The following DENND1B variants were observed in gnomAD, a reference collection of about 807,000 sequenced individuals.
The protein encoded by DENND1B is DENN domain containing 1B.
In DENND1B, 59 loss-of-function variants were observed where a neutral mutation model predicts 90.1. That is an observed-to-expected ratio of 0.65 (90% CI 0.53 to 0.81). The LOEUF is 0.81. DENND1B is among the 40% of genes least tolerant of loss of function. DENND1B has a pLI of 0.00. For synonymous variants in DENND1B, 337 were observed against 324.6 expected (o/e 1.04, Z -0.41); for missense variants, 862 against 912.6 (o/e 0.94, Z 0.71).
intron 3 of DENND1B, among the ~76,000 whole-genome samples, chr1:197,685,261 G>A (rs1317291200): frequency 4.6e-5 from 7 of 152,106 alleles, no homozygotes. Flanking sequence ...GAAATATATG[G>A]TTGACAGACT....
At chr1:197,665,169 C>G (rs1382264788) in intron 5 of DENND1B, among the ~76,000 whole-genome samples, 1 of 151,966 alleles carries the variant, frequency 6.6e-6, no homozygotes, top group Non-Finnish European at 1.5e-5. Flanking sequence ...GGCCTAAATT[C>G]TAATTTTTTT....
intron 1 of DENND1B, 127 bp from the exon 2 acceptor site, chr1:197,773,059 G>T: frequency 2.6e-6 from 2 of 773,546 alleles, no homozygotes; most frequent in Non-Finnish European, 4.4e-6. Context: ...TATTACTACA[G>T]TATAGTAGAA....
intron 2 of DENND1B, chr1:197,734,376 A>G (rs1406041119): frequency 1.0e-6 from 1 of 983,366 alleles, no homozygotes; most frequent in Non-Finnish European, 1.2e-6. Context: ...GAGTTCATGA[A>G]TATTTACAAG....
intron 2 of DENND1B, among the ~76,000 whole-genome samples, chr1:197,729,316 A>G (rs1018408056): frequency 1.3e-5 from 2 of 152,156 alleles, no homozygotes; most frequent in African/African-American, 4.8e-5. Flanking sequence ...TTCAATGGAT[A>G]TATATAATGC....
intron 13 of DENND1B, among the ~76,000 whole-genome samples, chr1:197,597,399 G>GT (rs544270240): frequency 2.0e-5 from 3 of 150,968 alleles, no homozygotes; most frequent in African/African-American, 4.9e-5. Flanking sequence ...TATATAAATA[G>GT]TTTTTTTAAA....
chr1:197,506,100 A>G lies in DENND1B; in HGVS notation c.*4360T>C, dbSNP rs140684646. The G allele has an allele frequency of 2.0e-5, 3 of 151,708 alleles. No individual in the cohort carries two copies. The highest frequency in any genetic ancestry group is 7.2e-5 in the African/African-American group (3 of 41,400). 9.4% of individuals were successfully genotyped at this position (151,708 alleles called of 1,614,324 possible). On this transcript the variant is annotated 3_prime_UTR_variant, in exon 23 of 23. Coordinates refer to ENST00000620048, the MANE Select transcript of DENND1B (RefSeq NM_001195215.2). Reference sequence around the variant, plus strand: ...AATCAATGAGAACATTGCTACATACAGATTTACTCAAATACTGAAAAACAT... The same window carrying G: ...AATCAATGAGAACATTGCTACATACGGATTTACTCAAATACTGAAAAACAT...
intron 20 of DENND1B, among the ~76,000 whole-genome samples, chr1:197,517,565 C>T (rs57259798): frequency 0.022 from 3,354 of 151,976 alleles, 126 homozygotes; most frequent in African/African-American, 0.076. Flanking sequence ...GTAGTAACTG[C>T]CTACCCCATA....
intron 2 of DENND1B, among the ~76,000 whole-genome samples, chr1:197,770,844 A>ATATAAATATATG (rs1558504186): frequency 1.0e-5 from 1 of 95,340 alleles, no homozygotes; most frequent in African/African-American, 3.4e-5. Flanking sequence ...ATAAATATAT[A>ATATAAATATATG]TAAATATATA....
chr1:197,719,508 C>T (rs1160879011), intron 2 of DENND1B, among the ~76,000 whole-genome samples: 1 of 152,054 alleles, frequency 6.6e-6, no homozygotes, highest in African/African-American at 2.4e-5. Context: ...AAAAAAACTG[C>T]TAATATTTTT....
At chr1:197,668,480 T>C (rs939818807) in intron 5 of DENND1B, among the ~76,000 whole-genome samples, 7 of 151,878 alleles carry the variant, frequency 4.6e-5, no homozygotes, top group African/African-American at 1.7e-4. Flanking sequence ...GTCAACACTT[T>C]TAAATTTATT....
Position 197,509,649 on chromosome 1 carries a change from G to C in DENND1B, c.*811C>G, listed in dbSNP as rs1667892102. ...AGATTTTTTTTTTTTTTTTTGTCAG[G>C]ACGGTTTATGTTGTATTTGGCTTTC... On this transcript the variant is annotated 3_prime_UTR_variant, in exon 23 of 23. Transcript: ENST00000620048. 6.9e-6 allele frequency: 1 copy of C among 145,710 alleles called. No homozygotes were observed. Among genetic ancestry groups the C allele is most frequent in the African/African-American group, 2.5e-5 (1 of 39,426 alleles). The allele number at this position is 145,710 out of a possible 1,614,324, so 9.0% of individuals were successfully genotyped here. A position where few individuals can be genotyped will look rare whatever the true frequency, so the allele number is the denominator to read the frequency against.
At chr1:197,772,809 G>C in intron 2 of DENND1B, 59 bp downstream of exon 2, 1 of 1,418,130 alleles carries the variant, frequency 7.1e-7, no homozygotes, top group Non-Finnish European at 9.6e-7. Context: ...GGAACAGAAT[G>C]AGATCTTGTC....
chr1:197,582,142 G>A (rs116023099), intron 15 of DENND1B, among the ~76,000 whole-genome samples: 1 of 152,166 alleles, frequency 6.6e-6, no homozygotes, highest in African/African-American at 2.4e-5. Context: ...TTTCCTTAAT[G>A]TAAAACTTCA....
At chr1:197,626,894 A>G (rs1678798536) in intron 10 of DENND1B, among the ~76,000 whole-genome samples, 1 of 152,170 alleles carries the variant, frequency 6.6e-6, no homozygotes, top group African/African-American at 2.4e-5. Context: ...AGAATACTAC[A>G]AACACCTCTA....
intron 3 of DENND1B, among the ~76,000 whole-genome samples, chr1:197,683,413 G>T (rs1055269969): frequency 6.6e-6 from 1 of 152,088 alleles, no homozygotes; most frequent in African/African-American, 2.4e-5. Context: ...TAAATGCTGG[G>T]GGATCAGATA....
chr1:197,775,532 G>C (rs1330392416), upstream of DENND1B: 1 of 168,246 alleles, frequency 5.9e-6, no homozygotes, highest in African/African-American at 2.4e-5. Flanking sequence ...CGCGCCCAGC[G>C]GCTTCACCTG....
At chr1:197,643,152 T>G (rs900171419) in intron 9 of DENND1B, among the ~76,000 whole-genome samples, 2 of 151,942 alleles carry the variant, frequency 1.3e-5, no homozygotes, top group African/African-American at 4.8e-5. Context: ...TCATCTTTAG[T>G]GTATGTCCCC....
At chr1:197,686,022 A>G (rs1413882169) in intron 3 of DENND1B, among the ~76,000 whole-genome samples, 1 of 152,156 alleles carries the variant, frequency 6.6e-6, no homozygotes, top group Non-Finnish European at 1.5e-5. Context: ...TTGTTTTTAC[A>G]TAACAGAAAG....
intron 13 of DENND1B, among the ~76,000 whole-genome samples, chr1:197,597,519 G>A (rs1675813888): frequency 6.6e-6 from 1 of 151,660 alleles, no homozygotes; most frequent in Non-Finnish European, 1.5e-5. Context: ...TCACAACTCA[G>A]TTCTCCACAA....
Sources: gnomAD v4.1 joint callset for allele counts (sites outside exome capture counted in the v4.1 genomes callset) on GRCh38, gnomAD v4.1.1 for gene constraint, MANE v1.5 for transcripts, NCBI Gene and HGNC (gene_info 2026-07-23, HGNC 2026-07-21) for gene names.